The following FRMPD4 variants were observed in gnomAD, a reference collection of about 807,000 sequenced individuals.
FRMPD4 encodes FERM and PDZ domain containing 4.
In FRMPD4, 22 loss-of-function variants were observed where a neutral mutation model predicts 94.1. That is an observed-to-expected ratio of 0.23 (90% CI 0.17 to 0.33). The LOEUF (loss-of-function observed/expected upper bound fraction) is 0.33, where lower values mean the gene tolerates loss of function less well. FRMPD4 is among the 10% of genes least tolerant of loss of function. FRMPD4 has a pLI of 1.00. For synonymous variants in FRMPD4, 631 were observed against 548.6 expected (o/e 1.15, Z -2.10); for missense variants, 1,111 against 1,339.9 (o/e 0.83, Z 2.67).
chrX:12,134,640 CT>C (rs1226484381), upstream of FRMPD4, among the ~76,000 whole-genome samples: 1 of 111,800 alleles, frequency 8.9e-6, no homozygotes, highest in Non-Finnish European at 1.9e-5. Context: ...GATGAAGCTC[CT>C]CACACTTCCC....
intron 3 of FRMPD4, among the ~76,000 whole-genome samples, chrX:12,078,885 A>G (rs757650196): frequency 1.8e-5 from 2 of 111,855 alleles, no homozygotes; most frequent in South Asian, 7.5e-4. Flanking sequence ...GTGGGGGTGC[A>G]TAATCAACCT....
rs762766132 is a variant in FRMPD4, at chrX:12,362,152, A to C, written c.42-136528A>C. On this transcript the variant is annotated intron_variant, in intron 1 of 16. Transcript: ENST00000675598. Reference sequence around the variant, plus strand: ...AGTCTGTCATCTAGAAACTTTCTTTATCCTACCCAATAGTAACTGACGATT... The same window carrying C: ...AGTCTGTCATCTAGAAACTTTCTTTCTCCTACCCAATAGTAACTGACGATT... Among the ~76,000 whole-genome samples, 14 of 105,081 alleles carry C rather than the reference A, an allele frequency of 1.3e-4. No homozygotes were observed. The East Asian group carries it at 4.1e-3, about 31-fold the overall frequency. The allele number at this position is 105,081 out of a possible 115,157, so 91.3% of individuals were successfully genotyped here.
At chrX:12,039,061 T>G (rs2054736077) in intron 3 of FRMPD4, among the ~76,000 whole-genome samples, 2 of 109,563 alleles carry the variant, frequency 1.8e-5, no homozygotes, top group Non-Finnish European at 3.8e-5. Flanking sequence ...TGCAGTGGAG[T>G]GCAGTGGCAA....
At chrX:12,624,698 T>C (rs772351122) in intron 4 of FRMPD4, among the ~76,000 whole-genome samples, 1 of 111,417 alleles carries the variant, frequency 9.0e-6, no homozygotes, top group Non-Finnish European at 1.9e-5. Flanking sequence ...TTGACAATAC[T>C]CCAACCTTTG....
At chrX:12,151,333 G>A (rs6640911) in intron 1 of FRMPD4, among the ~76,000 whole-genome samples, 10,828 of 111,062 alleles carry the variant, frequency 0.097, 1,058 homozygotes, top group East Asian at 0.63. Context: ...AGGGTTATAC[G>A]TGAGGGGGTG....
intron 9 of FRMPD4, 112 bp downstream of exon 9, chrX:12,694,566 G>C: frequency 1.9e-6 from 1 of 526,621 alleles, no homozygotes; most frequent in Non-Finnish European, 3.2e-6. Flanking sequence ...CCCACCTCAA[G>C]CTCAGTGAAT....
At chrX:12,459,433 T>C (rs2057370318) in intron 1 of FRMPD4, among the ~76,000 whole-genome samples, 3 of 111,336 alleles carry the variant, frequency 2.7e-5, no homozygotes, top group Admixed American at 1.9e-4. Flanking sequence ...AACACTTCCA[T>C]CTACCCATAG....
chrX:12,018,327 C>G (rs906643830), intron 3 of FRMPD4, among the ~76,000 whole-genome samples: 2 of 111,797 alleles, frequency 1.8e-5, no homozygotes, highest in Admixed American at 9.4e-5. Flanking sequence ...ACTCCAAACT[C>G]TGCCTCCATA....
chrX:12,194,357 T>C (rs2056541898), intron 1 of FRMPD4, among the ~76,000 whole-genome samples: 1 of 110,370 alleles, frequency 9.1e-6, no homozygotes, highest in Non-Finnish European at 1.9e-5. Context: ...TGTGGCCTAA[T>C]TTTCTCTAGG....
intron 1 of FRMPD4, among the ~76,000 whole-genome samples, chrX:12,246,325 G>A (rs1006295190): frequency 2.7e-5 from 3 of 111,939 alleles, no homozygotes; most frequent in South Asian, 3.7e-4. Context: ...GAAGAGCTTC[G>A]ATTTTCCACC....
chrX:12,553,208 AAG>A (rs1454374139), intron 2 of FRMPD4, among the ~76,000 whole-genome samples: 1 of 108,958 alleles, frequency 9.2e-6, no homozygotes, highest in Admixed American at 9.9e-5. Flanking sequence ...GAGAAAGAAA[AAG>A]AGAGAAAAAC....
chrX:12,085,207 A>G (rs1248186304), intron 3 of FRMPD4, among the ~76,000 whole-genome samples: 1 of 112,286 alleles, frequency 8.9e-6, no homozygotes, highest in African/African-American at 3.2e-5. Flanking sequence ...TGGATCTACC[A>G]TACGGCAATT....
intron 2 of FRMPD4, among the ~76,000 whole-genome samples, chrX:12,577,952 G>A (rs928275514): frequency 6.2e-5 from 7 of 112,654 alleles, no homozygotes; most frequent in African/African-American, 2.3e-4. Flanking sequence ...GAGGCTAGAA[G>A]TCCATGATTA....
At chrX:12,213,740 A>G (rs1376303347) in intron 1 of FRMPD4, among the ~76,000 whole-genome samples, 2 of 112,207 alleles carry the variant, frequency 1.8e-5, no homozygotes, top group Admixed American at 9.5e-5. Context: ...TTTACATGCA[A>G]TCTTTGGATG....
chrX:11,900,307 C>T (rs867111842), intron 3 of FRMPD4, among the ~76,000 whole-genome samples: 49 of 110,377 alleles, frequency 4.4e-4, no homozygotes, highest in African/African-American at 1.6e-3. Flanking sequence ...GGGAAGAAGA[C>T]GGAGACAAAA....
rs778931001 is a variant in FRMPD4, at chrX:12,382,091, GCT to G, written c.42-116586_42-116585del. Reference sequence around the variant, plus strand: ...AACACAAAGTCTAGTGGTGAAGGCAGCTCTTTGCACCCAAGTAGAAAGGCTGA... The same window carrying G: ...AACACAAAGTCTAGTGGTGAAGGCAGCTTTGCACCCAAGTAGAAAGGCTGA... On this transcript the variant is annotated intron_variant, in intron 1 of 16. Coordinates refer to ENST00000675598, the MANE Select transcript of FRMPD4 (RefSeq NM_001368397.1). Among the ~76,000 whole-genome samples, 60 of 111,376 alleles carry G rather than the reference GCT, an allele frequency of 5.4e-4. 1 individual carries two copies. In the Middle Eastern group the frequency reaches 0.014, roughly 26 times the overall value.
chrX:11,890,827 A>G (rs771428463), intron 3 of FRMPD4, among the ~76,000 whole-genome samples: 1 of 112,136 alleles, frequency 8.9e-6, no homozygotes, highest in Non-Finnish European at 1.9e-5. Flanking sequence ...AAAGGAAGAG[A>G]GTGTTAGAGG....
At chrX:12,669,093 G>A (rs2059812861) in intron 4 of FRMPD4, among the ~76,000 whole-genome samples, 1 of 111,535 alleles carries the variant, frequency 9.0e-6, no homozygotes, top group South Asian at 3.8e-4. Flanking sequence ...TAAAGGTGAC[G>A]GGATGTCCAT....
intron 2 of FRMPD4, among the ~76,000 whole-genome samples, chrX:12,511,657 A>C (rs56031937): frequency 9.0e-6 from 1 of 111,237 alleles, no homozygotes; most frequent in Non-Finnish European, 1.9e-5. Context: ...ACTTACGGAC[A>C]CTGACAGGTA....
Sources: allele counts gnomAD v4.1 joint callset (sites outside exome capture counted in the v4.1 genomes callset), GRCh38; gene constraint gnomAD v4.1.1; transcripts MANE v1.5; gene names NCBI Gene and HGNC (gene_info 2026-07-23, HGNC 2026-07-21).